Variants in ZNF365 observed in about 807,000 individuals in gnomAD.
ZNF365 encodes the protein zinc finger protein 365.
ZNF365 carries 22 observed loss-of-function variants against 35.0 expected under a neutral mutation model. The observed-to-expected ratio is 0.63, with a 90% confidence interval of 0.45 to 0.90. The LOEUF is 0.90. ZNF365 is among the 40% of genes least tolerant of loss of function. The pLI is 0.00. For missense variants in ZNF365, 448 were observed against 500.3 expected (o/e 0.90, Z 1.00); for synonymous variants, 188 against 196.2 (o/e 0.96, Z 0.35).
intron 2 of ZNF365, among the ~76,000 whole-genome samples, chr10:62,381,450 A>G (rs963635522): frequency 2.0e-5 from 3 of 152,134 alleles, no homozygotes; most frequent in Non-Finnish European, 4.4e-5. Flanking sequence ...TGTTTTTTCC[A>G]TTAGTTCACT....
At chr10:62,404,935 T>C (rs1185502787), downstream of ZNF365, among the ~76,000 whole-genome samples, 2 of 152,194 alleles carry the variant, frequency 1.3e-5, no homozygotes, top group African/African-American at 4.8e-5. Flanking sequence ...TATTTATCCT[T>C]ACAGAATCCT....
chr10:62,399,766 A>G lies in ZNF365; in HGVS notation c.1201A>G (p.Thr401Ala), dbSNP rs74950776. 3 of 1,612,932 alleles carry G rather than the reference A, an allele frequency of 1.9e-6. No homozygotes were observed. The South Asian group carries it at 3.3e-5, about 18-fold the overall frequency. The part of the protein sequence containing the change: ...IRPKMAKKKP[T>A]AIVNII Reference sequence around the variant, plus strand: ...GCCCAAAATGGCTAAAAAAAAGCCAACAGCCATTGTGAACATCATCTAAAA... The same window carrying G: ...GCCCAAAATGGCTAAAAAAAAGCCAGCAGCCATTGTGAACATCATCTAAAA... Residue 401 changes from threonine to alanine, a missense_variant, in exon 5 of 5, where the codon ACA (threonine) becomes GCA (alanine). Thr to Ala is a moderately conservative substitution (Grantham distance 58, BLOSUM62 0). Around this residue, in one of 3 missense-constraint regions of ZNF365, gnomAD observed 362 missense variants for 375.7 expected, o/e 0.96. Coordinates refer to ENST00000395254, the MANE Select transcript of ZNF365 (RefSeq NM_014951.3).
intron 3 of ZNF365, among the ~76,000 whole-genome samples, chr10:62,455,857 G>C (rs1014828183): frequency 6.6e-6 from 1 of 152,212 alleles, no homozygotes; most frequent in African/African-American, 2.4e-5. Context: ...CCAAGGTTCA[G>C]TAACTTGTAA....
At chr10:62,476,376 TA>T (rs1006492194) in intron 4 of ZNF365, among the ~76,000 whole-genome samples, 2 of 152,014 alleles carry the variant, frequency 1.3e-5, no homozygotes, top group African/African-American at 4.8e-5. Flanking sequence ...TCCCAGGTAT[TA>T]AAAAAAAGTT....
intron 3 of ZNF365, among the ~76,000 whole-genome samples, chr10:62,394,891 G>A (rs1208086289): frequency 7.0e-6 from 1 of 143,298 alleles, no homozygotes; most frequent in African/African-American, 2.6e-5. Context: ...GTTATAAGAA[G>A]GGAGATGAGG....
chr10:62,412,204 G>A (rs1839996030), intron 3 of ZNF365, among the ~76,000 whole-genome samples: 1 of 152,090 alleles, frequency 6.6e-6, no homozygotes, highest in South Asian at 2.1e-4. Context: ...TATCTCAATA[G>A]ATGCAGAAAA....
intron 3 of ZNF365, among the ~76,000 whole-genome samples, chr10:62,396,093 G>A (rs1839722506): frequency 2.0e-5 from 3 of 152,276 alleles, no homozygotes; most frequent in Admixed American, 1.3e-4. Context: ...GTGTTCATGG[G>A]GGGAGCAGAG....
chr10:62,430,333 A>G (rs1213249140), intron 3 of ZNF365, among the ~76,000 whole-genome samples: 1 of 124,428 alleles, frequency 8.0e-6, no homozygotes, highest in Non-Finnish European at 1.6e-5. Flanking sequence ...GGTGCCCGCC[A>G]CCACGCCCGG....
intron 3 of ZNF365, among the ~76,000 whole-genome samples, chr10:62,446,997 C>A (rs573952562): frequency 2.0e-5 from 3 of 152,272 alleles, no homozygotes; most frequent in East Asian, 1.9e-4. Context: ...ATTTAGCAAA[C>A]CTGACCTCAT....
rs143249868 is a variant in ZNF365, at chr10:62,398,019, T to C, written c.925-721T>C. Among the ~76,000 whole-genome samples the C allele has an allele frequency of 4.7e-3, 719 of 152,302 alleles. 8 individuals are homozygous for C. Among genetic ancestry groups the C allele is most frequent in the African/African-American group, 0.016 (678 of 41,544 alleles). On this transcript the variant is annotated intron_variant, in intron 3 of 4. Transcript: ENST00000395254. Reference sequence around the variant, plus strand: ...GAGCAGTGTACATTATACCAATATGTTGTCTTTTATCCGTCACCCCACTCC... The same window carrying C: ...GAGCAGTGTACATTATACCAATATGCTGTCTTTTATCCGTCACCCCACTCC...
At chr10:62,460,917 G>A (rs928711875) in intron 4 of ZNF365, among the ~76,000 whole-genome samples, 2 of 152,164 alleles carry the variant, frequency 1.3e-5, no homozygotes, top group South Asian at 2.1e-4. Flanking sequence ...TGAAGCAATC[G>A]GGAGTGTTGG....
At chr10:62,407,927 A>C (rs1027600847) in intron 3 of ZNF365, among the ~76,000 whole-genome samples, 40 of 152,118 alleles carry the variant, frequency 2.6e-4, no homozygotes, top group Non-Finnish European at 4.7e-4. Context: ...CAAACTTTTA[A>C]CTTTGGAAGA....
chr10:62,400,811 C>G lies in ZNF365; in HGVS notation c.*1022C>G. ...TGGTTCACTTTGCCTCCTGCTGCTT[C>G]TGTGCCCTGTTAAGGGCTTCAGGTA... On this transcript the variant is annotated 3_prime_UTR_variant, in exon 5 of 5. Coordinates refer to ENST00000395254, the MANE Select transcript of ZNF365 (RefSeq NM_014951.3). The G allele has an allele frequency of 2.3e-6, 2 of 851,646 alleles. No individual in the cohort carries two copies. The highest frequency in any genetic ancestry group is 2.6e-6 in the Non-Finnish European group (2 of 772,036). The allele number at this position is 851,646 out of a possible 1,614,324, so 52.8% of individuals were successfully genotyped here.
chr10:62,453,941 A>T (rs1840724122), intron 3 of ZNF365, among the ~76,000 whole-genome samples: 1 of 152,220 alleles, frequency 6.6e-6, no homozygotes, highest in African/African-American at 2.4e-5. Flanking sequence ...AGGTTAAAAG[A>T]GTACGGATTC....
chr10:62,422,851 T>C (rs1404561340), intron 3 of ZNF365, among the ~76,000 whole-genome samples: 1 of 152,082 alleles, frequency 6.6e-6, no homozygotes, highest in Non-Finnish European at 1.5e-5. Context: ...ATGAAGTTGA[T>C]CTTGAAGACG....
intron 4 of ZNF365, among the ~76,000 whole-genome samples, chr10:62,475,872 T>G (rs1379919574): frequency 6.6e-6 from 1 of 152,140 alleles, no homozygotes; most frequent in Non-Finnish European, 1.5e-5. Flanking sequence ...GGGGCTGGAT[T>G]GGAATTTTCT....
chr10:62,420,741 C>T (rs890265056), intron 3 of ZNF365, among the ~76,000 whole-genome samples: 1 of 151,698 alleles, frequency 6.6e-6, no homozygotes, highest in African/African-American at 2.4e-5. Context: ...TTTGTATGCA[C>T]CTAATGTCTT....
At chr10:62,402,524 A>G (rs1031612825), downstream of ZNF365, 1 of 904,668 alleles carries the variant, frequency 1.1e-6, no homozygotes, top group South Asian at 5.1e-5. Context: ...CAGGAAACAA[A>G]ATGGTCCTTC....
In ZNF365 at chr10:62,400,735, T is replaced by C. The variant is rs1385960486; in HGVS notation, c.*946T>C. 1 of 985,556 alleles carries C rather than the reference T, an allele frequency of 1.0e-6. No individual in the cohort carries two copies. The highest frequency in any genetic ancestry group is 1.2e-6 in the Non-Finnish European group (1 of 830,060). 61.1% of individuals were successfully genotyped at this position (985,556 alleles called of 1,614,324 possible). A position where few individuals can be genotyped will look rare whatever the true frequency, so the allele number is the denominator to read the frequency against. On this transcript the variant is annotated 3_prime_UTR_variant, in exon 5 of 5. Coordinates refer to ENST00000395254, the MANE Select transcript of ZNF365 (RefSeq NM_014951.3). Reference sequence around the variant, plus strand: ...CGGCCAGTGTCAGTGGCCCTCTCTCTCTCTGCTATGGGCATGACTTTCTCT... The same window carrying C: ...CGGCCAGTGTCAGTGGCCCTCTCTCCCTCTGCTATGGGCATGACTTTCTCT...
Sources: gnomAD v4.1 joint callset for allele counts (sites outside exome capture counted in the v4.1 genomes callset) on GRCh38, gnomAD v4.1.1 for gene constraint, gnomAD v4.1.1 regional missense constraint, MANE v1.5 for transcripts, NCBI Gene and HGNC (gene_info 2026-07-23, HGNC 2026-07-21) for gene names.